The following NTRK1 variants were observed in gnomAD, a reference collection of about 807,000 sequenced individuals.
The protein encoded by NTRK1 is neurotrophic receptor tyrosine kinase 1.
Under a neutral mutation model 86.8 loss-of-function variants are expected in NTRK1, and 62 were observed. That is an observed-to-expected ratio of 0.71 (90% confidence interval 0.58 to 0.88). The LOEUF is 0.88. Among genes scored for constraint, NTRK1 ranks in the 40% least tolerant of loss-of-function variants. The pLI, the probability that NTRK1 is intolerant of heterozygous loss-of-function variation, is 0.00. For missense variants in NTRK1, 967 were observed against 1,078.4 expected (o/e 0.90, Z 1.45); for synonymous variants, 469 against 456.6 (o/e 1.03, Z -0.35).
intron 1 of NTRK1, chr1:156,841,153 C>A (rs374129757): frequency 1.4e-6 from 2 of 1,386,330 alleles, no homozygotes; most frequent in African/African-American, 1.4e-5. Context: ...GCCCCTGCCA[C>A]GCTCTCAGCC....
At chr1:156,843,530 G>A (rs1654878694) in intron 2 of NTRK1, 2 of 1,541,270 alleles carry the variant, frequency 1.3e-6, no homozygotes, top group Non-Finnish European at 1.8e-6. Context: ...AGGAAGGAAT[G>A]AGCAACATCA....
chr1:156,875,187 A>C lies in NTRK1; in HGVS notation c.1354+179A>C, dbSNP rs151240002. The stretch of plus-strand genomic sequence containing the variant: ...GCTTGTGAGTGTGAGTGTGTGTGGG[A>C]GCGTGTGTCGGGCTGGTGCTGGGGT... On this transcript the variant is annotated intron_variant, in intron 11 of 16. Coordinates refer to ENST00000524377, the MANE Select transcript of NTRK1 (RefSeq NM_002529.4). Among the ~76,000 whole-genome samples the C allele has an allele frequency of 0.02, 3,028 of 149,748 alleles. 64 individuals carry two copies. Among genetic ancestry groups the C allele is most frequent in the East Asian group, 0.078 (388 of 4,946 alleles).
At chr1:156,840,108 T>C (rs1654717082) in intron 1 of NTRK1, 1 of 49,886 alleles carries the variant, frequency 2.0e-5, no homozygotes, top group Non-Finnish European at 3.7e-5. Context: ...AGTCTTCCCA[T>C]GAGAGGCAGG....
intron 1 of NTRK1, among the ~76,000 whole-genome samples, chr1:156,833,023 A>G (rs1432874545): frequency 6.6e-6 from 1 of 152,232 alleles, no homozygotes; most frequent in Non-Finnish European, 1.5e-5. Context: ...TACAGACACC[A>G]TCCTGCTCAT....
intron 1 of NTRK1, chr1:156,815,997 T>C (rs1369640728): frequency 8.1e-6 from 13 of 1,613,344 alleles, no homozygotes; most frequent in Non-Finnish European, 1.1e-5. Flanking sequence ...GCCCCAGGTT[T>C]CCACTCACCG....
intron 2 of NTRK1, chr1:156,846,715 A>C (rs1297160915): frequency 1.7e-5 from 27 of 1,613,924 alleles, no homozygotes; most frequent in Non-Finnish European, 2.1e-5. Flanking sequence ...TCTGGGTTCC[A>C]CAAGCATCTG....
intron 1 of NTRK1, among the ~76,000 whole-genome samples, chr1:156,838,385 T>A (rs1049211229): frequency 6.6e-6 from 1 of 151,934 alleles, no homozygotes; most frequent in African/African-American, 2.4e-5. Flanking sequence ...CTTTTTTTTT[T>A]TTCTGGAGTT....
chr1:156,851,402 C>G (rs1340458877), intron 2 of NTRK1: 1 of 1,614,118 alleles, frequency 6.2e-7, no homozygotes, highest in South Asian at 1.1e-5. Flanking sequence ...TCTACCAGCC[C>G]CAGGCTGTGC....
intron 1 of NTRK1, among the ~76,000 whole-genome samples, chr1:156,819,626 T>C (rs1420431254): frequency 2.6e-5 from 4 of 152,258 alleles, no homozygotes; most frequent in South Asian, 2.1e-4. Context: ...TTCAACAGAT[T>C]CTCCTGCCTC....
intron 1 of NTRK1, chr1:156,841,675 A>C: frequency 6.2e-7 from 1 of 1,613,798 alleles, no homozygotes; most frequent in Non-Finnish European, 8.5e-7. Flanking sequence ...CAGACATCCG[A>C]GTGGGTGGTG....
At chr1:156,876,893 G>A (rs918660268) in intron 14 of NTRK1, among the ~76,000 whole-genome samples, 5 of 152,244 alleles carry the variant, frequency 3.3e-5, no homozygotes, top group Non-Finnish European at 7.3e-5. Context: ...AGGCCTGTAA[G>A]GGTAGCAGTT....
intron 16 of NTRK1, chr1:156,880,538 A>G (rs1410768271): frequency 8.0e-6 from 2 of 249,904 alleles, no homozygotes; most frequent in East Asian, 2.0e-4. Flanking sequence ...GGACGGCTGG[A>G]GGTTAGACTG....
At chr1:156,861,760 C>T (rs185132211) in intron 1 of NTRK1, among the ~76,000 whole-genome samples, 2 of 152,274 alleles carry the variant, frequency 1.3e-5, no homozygotes, top group East Asian at 1.9e-4. Flanking sequence ...TTTCTCTCCC[C>T]ACTCCCATCT....
chr1:156,873,512 T>G (rs1647690744), intron 7 of NTRK1, 121 bp from the exon 8 acceptor site: 1 of 769,688 alleles, frequency 1.3e-6, no homozygotes, highest in Non-Finnish European at 2.2e-6. Context: ...CTGACCTGTT[T>G]CTCCCAGGCC....
At chr1:156,866,830 G>A in intron 3 of NTRK1, 80 bp from the exon 4 acceptor site, 5 of 1,477,048 alleles carry the variant, frequency 3.4e-6, no homozygotes, top group Non-Finnish European at 4.7e-6. Flanking sequence ...TTCTTTCTTG[G>A]CTCCTCCCCT....
chr1:156,868,285 TG>T, intron 5 of NTRK1, 36 bp downstream of exon 5: 1 of 1,600,936 alleles, frequency 6.2e-7, no homozygotes, highest in Non-Finnish European at 8.5e-7. Flanking sequence ...GTAAGGGGGC[TG>T]GGGAAGAGAC....
In NTRK1 at chr1:156,873,787, G is replaced by C. The variant is rs780334454; in HGVS notation, c.1005G>C (p.Pro335=). Residue 335 remains proline (P), a synonymous_variant, in exon 8 of 17, where the codon CCG becomes CCC. Coordinates refer to ENST00000524377, the MANE Select transcript of NTRK1 (RefSeq NM_002529.4). The part of the protein sequence containing the change: ...TSFIFTEFLE[P]AANETVRHGC... ...TCATCTTCACTGAGTTCCTGGAGCC[G>C]GCAGCCAATGAGACCGTGCGGCACG... The C allele has an allele frequency of 1.2e-5, 19 of 1,612,822 alleles. No individual in the cohort carries two copies. Among genetic ancestry groups the C allele is most frequent in the Non-Finnish European group, 1.4e-5 (17 of 1,179,666 alleles).
chr1:156,870,143 G>T (rs1177488007), intron 6 of NTRK1, among the ~76,000 whole-genome samples: 1 of 152,224 alleles, frequency 6.6e-6, no homozygotes, highest in Non-Finnish European at 1.5e-5. Context: ...CCATACCCCT[G>T]CATGGAGAGA....
intron 1 of NTRK1, among the ~76,000 whole-genome samples, chr1:156,834,223 G>C (rs1225831333): frequency 6.6e-6 from 1 of 152,194 alleles, no homozygotes; most frequent in Non-Finnish European, 1.5e-5. Flanking sequence ...GGATGCAGAG[G>C]AGGGAATGGG....
Sources: gnomAD v4.1 joint callset for allele counts (sites outside exome capture counted in the v4.1 genomes callset) on GRCh38, gnomAD v4.1.1 for gene constraint, MANE v1.5 for transcripts, NCBI Gene and HGNC (gene_info 2026-07-23, HGNC 2026-07-21) for gene names.